The following SHISA6 variants were observed in gnomAD, a reference collection of about 807,000 sequenced individuals.
SHISA6 encodes shisa family member 6, also known as protein shisa-6.
A neutral mutation model predicts 47.9 loss-of-function variants in SHISA6; 22 were observed. The ratio of observed to expected loss-of-function variants is 0.46; its 90% CI spans 0.33 to 0.66. SHISA6 has a LOEUF of 0.66. SHISA6 is among the 30% of genes least tolerant of loss of function. SHISA6 has a pLI of 0.02. For synonymous variants in SHISA6, 388 were observed against 337.8 expected (o/e 1.15, Z -1.63); for missense variants, 680 against 764.6 (o/e 0.89, Z 1.30).
intron 2 of SHISA6, among the ~76,000 whole-genome samples, chr17:11,335,550 A>T (rs912894034): frequency 2.6e-5 from 4 of 152,140 alleles, no homozygotes; most frequent in African/African-American, 9.7e-5. Context: ...GTTCAATTAA[A>T]GTTCCTCTTG....
chr17:11,472,784 C>T (rs1463636067), intron 3 of SHISA6, among the ~76,000 whole-genome samples: 3 of 152,186 alleles, frequency 2.0e-5, no homozygotes, highest in Admixed American at 6.5e-5. Context: ...ATTTTGCATT[C>T]CCACCAGCAA....
rs1254205878 is a variant in SHISA6, at chr17:11,551,883, C to A, written c.896-13C>A. 1 of 1,551,274 alleles carries A rather than the reference C, an allele frequency of 6.4e-7. No individual in the cohort carries two copies. The highest frequency in any genetic ancestry group is 8.7e-7 in the Non-Finnish European group (1 of 1,146,666). On this transcript the variant is annotated splice_polypyrimidine_tract_variant and intron_variant, in intron 3 of 5. Coordinates refer to ENST00000441885, the MANE Select transcript of SHISA6 (RefSeq NM_207386.4). Reference sequence around the variant, plus strand: ...GAACTCTTCTTTAAAAATTTCTTTTCTATGATTTTCAGGTGATCATCAATA... The same window carrying A: ...GAACTCTTCTTTAAAAATTTCTTTTATATGATTTTCAGGTGATCATCAATA...
At chr17:11,454,309 CT>C (rs1213588890) in intron 3 of SHISA6, among the ~76,000 whole-genome samples, 1 of 152,184 alleles carries the variant, frequency 6.6e-6, no homozygotes, top group Non-Finnish European at 1.5e-5. Flanking sequence ...GCCTGGGCTT[CT>C]TCAGGAGCTA....
intron 3 of SHISA6, among the ~76,000 whole-genome samples, chr17:11,431,791 AAC>A (rs1301838502): frequency 1.3e-5 from 2 of 152,206 alleles, no homozygotes. Flanking sequence ...CTAAGTTAAA[AAC>A]ACAACAAAAA....
chr17:11,443,774 A>C (rs1458211527), intron 3 of SHISA6, among the ~76,000 whole-genome samples: 1 of 152,184 alleles, frequency 6.6e-6, no homozygotes, highest in Non-Finnish European at 1.5e-5. Flanking sequence ...TAGAAGTAGA[A>C]GTAGTGCTAT....
intron 2 of SHISA6, chr17:11,288,347 T>A (rs1909395400): frequency 6.6e-6 from 1 of 152,226 alleles, no homozygotes; most frequent in African/African-American, 2.4e-5. Flanking sequence ...AATGTTTCAA[T>A]AAATAACAAA....
chr17:11,493,174 C>G (rs1567620422), intron 3 of SHISA6, among the ~76,000 whole-genome samples: 1 of 152,174 alleles, frequency 6.6e-6, no homozygotes. Flanking sequence ...ACAACTGTGA[C>G]CACTTAGCCA....
In SHISA6 at chr17:11,518,965, T is replaced by C. The variant is rs571844359; in HGVS notation, c.896-32931T>C. Among the ~76,000 whole-genome samples, 237 of 152,308 alleles carry C rather than the reference T, an allele frequency of 1.6e-3. 1 individual carries two copies. Among genetic ancestry groups the C allele is most frequent in the Non-Finnish European group, 4.4e-4 (30 of 68,026 alleles). ...CCCTACCCACCCATGGTCAAAACCA[T>C]TGAAGTATCTCTGTCTGGAGCCATA... On this transcript the variant is annotated intron_variant, in intron 3 of 5. Coordinates refer to ENST00000441885, the MANE Select transcript of SHISA6 (RefSeq NM_207386.4).
At chr17:11,431,418 A>G (rs977666470) in intron 3 of SHISA6, among the ~76,000 whole-genome samples, 8 of 152,324 alleles carry the variant, frequency 5.3e-5, no homozygotes, top group East Asian at 3.9e-4. Flanking sequence ...ACTTTGCTCA[A>G]AGATGAAGGT....
At chr17:11,514,611 C>T (rs2071567478) in intron 3 of SHISA6, among the ~76,000 whole-genome samples, 1 of 152,174 alleles carries the variant, frequency 6.6e-6, no homozygotes, top group South Asian at 2.1e-4. Flanking sequence ...GGCAGCATCC[C>T]CCTGTGAAGC....
At chr17:11,289,583 TATATATGTATATATATATAC>T (rs930056409) in intron 2 of SHISA6, 45 of 64,858 alleles carry the variant, frequency 6.9e-4, no homozygotes, top group African/African-American at 1.5e-3. Flanking sequence ...TACAAATATA[TATATATGTATATATATATAC>T]ACACACACAC....
intron 2 of SHISA6, among the ~76,000 whole-genome samples, chr17:11,277,173 A>G (rs1032630756): frequency 4.0e-5 from 6 of 150,608 alleles, no homozygotes; most frequent in African/African-American, 1.5e-4. Flanking sequence ...TCTCCAGTGG[A>G]CGTTGCCAGA....
At chr17:11,556,548 G>A (rs2071982099) in intron 5 of SHISA6, among the ~76,000 whole-genome samples, 1 of 152,128 alleles carries the variant, frequency 6.6e-6, no homozygotes, top group Admixed American at 6.5e-5. Context: ...TTTCCCAGGA[G>A]TCTCTTTTGA....
chr17:11,388,084 G>T (rs1278030769), intron 3 of SHISA6, among the ~76,000 whole-genome samples: 1 of 152,184 alleles, frequency 6.6e-6, no homozygotes, highest in African/African-American at 2.4e-5. Context: ...AAGAACCCCA[G>T]ACCAACAGTG....
At chr17:11,344,405 C>A (rs1221956227) in intron 2 of SHISA6, among the ~76,000 whole-genome samples, 5 of 152,102 alleles carry the variant, frequency 3.3e-5, no homozygotes, top group Non-Finnish European at 2.9e-5. Flanking sequence ...GCCTACTACT[C>A]CAAGCTCACT....
intron 2 of SHISA6, among the ~76,000 whole-genome samples, chr17:11,309,592 G>A (rs892831264): frequency 6.6e-6 from 1 of 152,080 alleles, no homozygotes; most frequent in Non-Finnish European, 1.5e-5. Flanking sequence ...CCCTCTTGTG[G>A]GTGATAACTG....
intron 4 of SHISA6, among the ~76,000 whole-genome samples, chr17:11,553,442 G>A (rs1285965803): frequency 6.6e-6 from 1 of 152,304 alleles, no homozygotes; most frequent in East Asian, 1.9e-4. Flanking sequence ...ACAACAGGAG[G>A]AGCCATTCTT....
intron 3 of SHISA6, among the ~76,000 whole-genome samples, chr17:11,491,098 C>T (rs937945813): frequency 1.3e-5 from 2 of 152,160 alleles, no homozygotes; most frequent in Admixed American, 6.5e-5. Flanking sequence ...GCATCTCCAA[C>T]GTCAAGATTC....
At chr17:11,432,472 A>T (rs1198313426) in intron 3 of SHISA6, among the ~76,000 whole-genome samples, 2 of 152,242 alleles carry the variant, frequency 1.3e-5, no homozygotes, top group Non-Finnish European at 2.9e-5. Context: ...GGGCCACTGC[A>T]TCTGAAATAT....
Sources: allele counts gnomAD v4.1 joint callset (sites outside exome capture counted in the v4.1 genomes callset), GRCh38; gene constraint gnomAD v4.1.1; transcripts MANE v1.5; gene names NCBI Gene and HGNC (gene_info 2026-07-23, HGNC 2026-07-21).